PPFIA2: variants seen among roughly 807,000 people sequenced by gnomAD.
PPFIA2 encodes liprin-alpha-2.
A neutral mutation model predicts 175.5 loss-of-function variants in PPFIA2; 46 were observed. The ratio of observed to expected loss-of-function variants is 0.26; its 90% CI spans 0.21 to 0.34. PPFIA2 has a LOEUF of 0.34. Ranked by LOEUF, PPFIA2 falls within the 10% of genes least tolerant of loss-of-function variation. The pLI is 1.00. For missense variants in PPFIA2, 1,179 were observed against 1,506.1 expected (o/e 0.78, Z 3.60); for synonymous variants, 568 against 511.4 (o/e 1.11, Z -1.49).
intron 13 of PPFIA2, 43 bp from the exon 14 acceptor site, chr12:81,367,213 TA>T (rs2033746375): frequency 1.7e-6 from 2 of 1,171,656 alleles, no homozygotes; most frequent in Non-Finnish European, 2.3e-6. Flanking sequence ...AAATTAAACA[TA>T]AAATACTTAA....
chr12:81,464,041 T>C (rs2055132507), intron 4 of PPFIA2, among the ~76,000 whole-genome samples: 1 of 152,116 alleles, frequency 6.6e-6, no homozygotes, highest in South Asian at 2.1e-4. Flanking sequence ...TTTACTTATT[T>C]TCTTCCCCGC....
intron 4 of PPFIA2, among the ~76,000 whole-genome samples, chr12:81,666,728 T>C (rs1222036959): frequency 1.3e-5 from 2 of 152,032 alleles, no homozygotes; most frequent in Non-Finnish European, 2.9e-5. Context: ...AACCTGCACG[T>C]TGTGCACACG....
intron 4 of PPFIA2, among the ~76,000 whole-genome samples, chr12:81,665,277 A>T (rs1377540502): frequency 6.6e-6 from 1 of 152,064 alleles, no homozygotes; most frequent in African/African-American, 2.4e-5. Flanking sequence ...CTTCTCAAAT[A>T]ATTTGACAGA....
intron 4 of PPFIA2, among the ~76,000 whole-genome samples, chr12:81,535,672 GT>G (rs2065269913): frequency 6.6e-6 from 1 of 151,404 alleles, no homozygotes; most frequent in Non-Finnish European, 1.5e-5. Flanking sequence ...TAGTGAGAGT[GT>G]TTCAAACTAA....
intron 19 of PPFIA2, among the ~76,000 whole-genome samples, chr12:81,342,898 A>G (rs573721066): frequency 2.0e-5 from 3 of 151,902 alleles, no homozygotes; most frequent in Admixed American, 6.6e-5. Flanking sequence ...ACATGTATAC[A>G]TATGTAACTA....
rs1595999450 is a variant in PPFIA2 at position 81,393,378 on chromosome 12, T to C, written c.763-9134A>G. Among the ~76,000 whole-genome samples the C allele has an allele frequency of 2.0e-5, 3 of 152,228 alleles. No individual in the cohort carries two copies. The South Asian group carries it at 6.2e-4, about 32-fold the overall frequency. ...TTTTGTTGCTATTGTTGTTCATCTA[T>C]AAAATAAAGAATCAACACTAGAGTG... On this transcript the variant is annotated intron_variant, in intron 8 of 32. Coordinates refer to ENST00000549396, the MANE Select transcript of PPFIA2 (RefSeq NM_003625.5).
At chr12:81,597,605 C>T (rs751770740) in intron 4 of PPFIA2, among the ~76,000 whole-genome samples, 20 of 152,038 alleles carry the variant, frequency 1.3e-4, no homozygotes, top group Non-Finnish European at 2.5e-4. Context: ...CTTTCTGCGA[C>T]GCACAAGGAA....
At chr12:81,592,177 A>G (rs1294039036) in intron 4 of PPFIA2, among the ~76,000 whole-genome samples, 1 of 152,010 alleles carries the variant, frequency 6.6e-6, no homozygotes, top group Non-Finnish European at 1.5e-5. Context: ...GTTTTGGCCA[A>G]TTTCTCCTGT....
At chr12:81,280,377 CCAT>C (rs2041794427) in intron 27 of PPFIA2, among the ~76,000 whole-genome samples, 1 of 152,064 alleles carries the variant, frequency 6.6e-6, no homozygotes, top group African/African-American at 2.4e-5. Flanking sequence ...CAAAATATCA[CCAT>C]AAGTTGGAAG....
At chr12:81,355,718 C>T (rs539892770) in intron 16 of PPFIA2, among the ~76,000 whole-genome samples, 1 of 152,306 alleles carries the variant, frequency 6.6e-6, no homozygotes. Context: ...ACTTTATGAA[C>T]TGAACAACCC....
At chr12:81,459,838 C>T (rs2054216902) in intron 4 of PPFIA2, among the ~76,000 whole-genome samples, 2 of 152,174 alleles carry the variant, frequency 1.3e-5, no homozygotes, top group East Asian at 3.9e-4. Flanking sequence ...ATTATACCAC[C>T]TTGCTCTCTA....
At chr12:81,330,119 TA>T (rs1228550571) in intron 21 of PPFIA2, among the ~76,000 whole-genome samples, 2 of 152,050 alleles carry the variant, frequency 1.3e-5, no homozygotes, top group Non-Finnish European at 2.9e-5. Context: ...TCACTATTGT[TA>T]AGAAAATCCT....
intron 4 of PPFIA2, among the ~76,000 whole-genome samples, chr12:81,619,914 C>CT (rs772273888): frequency 1.1e-4 from 16 of 152,062 alleles, no homozygotes; most frequent in Admixed American, 2.0e-4. Context: ...AATCCCAGCA[C>CT]TTTGGGAGGC....
intron 28 of PPFIA2, among the ~76,000 whole-genome samples, chr12:81,271,763 T>C (rs1008981984): frequency 1.1e-4 from 16 of 152,212 alleles, no homozygotes; most frequent in South Asian, 2.1e-4. Flanking sequence ...TTTAATTCTA[T>C]GTAAAATTTA....
intron 14 of PPFIA2, among the ~76,000 whole-genome samples, chr12:81,364,207 A>C (rs926663114): frequency 6.6e-6 from 1 of 151,814 alleles, no homozygotes; most frequent in Non-Finnish European, 1.5e-5. Flanking sequence ...GAGGGTAAGG[A>C]GTCCAGTGTG....
chr12:81,659,524 C>T (rs1335285309), intron 4 of PPFIA2, among the ~76,000 whole-genome samples: 1 of 152,196 alleles, frequency 6.6e-6, no homozygotes, highest in East Asian at 1.9e-4. Flanking sequence ...CCCGCCATTG[C>T]TGAGGCTTGA....
chr12:81,303,907 G>T (rs932575828), intron 22 of PPFIA2, among the ~76,000 whole-genome samples: 1 of 152,172 alleles, frequency 6.6e-6, no homozygotes, highest in Admixed American at 6.5e-5. Context: ...AACTCTGGTT[G>T]AATGACTAAA....
chr12:81,440,090 C>T, intron 6 of PPFIA2, 44 bp from the exon 7 acceptor site: 1 of 1,389,330 alleles, frequency 7.2e-7, no homozygotes, highest in South Asian at 1.3e-5. Context: ...ACATCCCATA[C>T]ATATTAAACT....
chr12:81,533,723 C>A (rs1042253076), intron 4 of PPFIA2, among the ~76,000 whole-genome samples: 1 of 138,910 alleles, frequency 7.2e-6, no homozygotes, highest in Admixed American at 7.5e-5. Flanking sequence ...ATCTATCTAT[C>A]TATCTATCTA....
Sources: gnomAD v4.1 joint callset for allele counts (sites outside exome capture counted in the v4.1 genomes callset) on GRCh38, gnomAD v4.1.1 for gene constraint, MANE v1.5 for transcripts, NCBI Gene and HGNC (gene_info 2026-07-23, HGNC 2026-07-21) for gene names.